TPI1: variants seen among roughly 807,000 people sequenced by gnomAD.
The protein encoded by TPI1 is triosephosphate isomerase 1, also known as triosephosphate isomerase.
Under a neutral mutation model 31.0 loss-of-function variants are expected in TPI1, and 11 were observed. That is an observed-to-expected ratio of 0.36 (90% CI 0.22 to 0.59). The LOEUF (loss-of-function observed/expected upper bound fraction) is 0.59, where lower values mean the gene tolerates loss of function less well. TPI1 is among the 20% of genes least tolerant of loss of function. The pLI, the probability that TPI1 is intolerant of heterozygous loss-of-function variation, is 0.79. For missense variants in TPI1, 245 were observed against 319.7 expected (o/e 0.77, Z 1.78); for synonymous variants, 121 against 122.8 (o/e 0.99, Z 0.10).
At chr12:6,867,756 A>T (rs1189521883) in intron 1 of TPI1, 75 bp downstream of exon 1, 6 of 1,341,398 alleles carry the variant, frequency 4.5e-6, no homozygotes, top group Non-Finnish European at 6.0e-6. Flanking sequence ...CCCTCTCCCG[A>T]GGCCCCGAGG....
chr12:6,867,670 C>G lies in TPI1; in HGVS notation c.104C>G (p.Pro35Arg), dbSNP rs1944486941. 1.9e-6 allele frequency: 3 copies of G among 1,609,288 alleles called. No individual in the cohort carries two copies. The highest frequency in any genetic ancestry group is 2.5e-6 in the Non-Finnish European group (3 of 1,178,314). Residue 35 changes from proline (P) to arginine (R), a missense_variant, in exon 1 of 7, where the codon CCG becomes CGG. Coordinates refer to ENST00000396705, the MANE Select transcript of TPI1 (RefSeq NM_000365.6). ...LIGTLNAAKV[P>R]ADTEVVCAPP... The stretch of plus-strand genomic sequence containing the variant: ...GGCACTCTGAACGCGGCCAAGGTGC[C>G]GGCCGACACCGGTAAGCCCTCGCCG...
upstream of TPI1, chr12:6,867,451 G>A: frequency 6.6e-7 from 1 of 1,506,108 alleles, no homozygotes. Flanking sequence ...GGGACTGGGC[G>A]GGCCATGGCG....
intron 4 of TPI1, 76 bp from the exon 5 acceptor site, chr12:6,869,612 C>A: frequency 6.4e-7 from 1 of 1,568,770 alleles, no homozygotes. Context: ...GGCCACCGTT[C>A]TTCGTACTCC....
intron 1 of TPI1, 122 bp downstream of exon 1, chr12:6,867,803 C>T: frequency 1.8e-6 from 2 of 1,110,072 alleles, no homozygotes; most frequent in Non-Finnish European, 2.5e-6. Context: ...TGATGCAGGG[C>T]TGTGGGACGA....
At chr12:6,869,204 A>G in intron 3 of TPI1, 21 bp downstream of exon 3, 1 of 1,614,132 alleles carries the variant, frequency 6.2e-7, no homozygotes, top group Non-Finnish European at 8.5e-7. Flanking sequence ...AAGAGAGAAG[A>G]TAAGGGATGT....
chr12:6,868,469 C>T (rs1555131933), intron 1 of TPI1: 2 of 1,286,578 alleles, frequency 1.6e-6, no homozygotes, highest in Admixed American at 4.6e-5. Flanking sequence ...AGGAGTTGGC[C>T]CCTCTCCTTT....
chr12:6,869,449 G>C, intron 4 of TPI1, 59 bp downstream of exon 4: 3 of 1,611,764 alleles, frequency 1.9e-6, no homozygotes, highest in South Asian at 2.2e-5. Flanking sequence ...TCAGAGGGTA[G>C]GGTCAGGCCC....
At chr12:6,870,232 C>G (rs1555132562) in intron 6 of TPI1, 33 bp from the exon 7 acceptor site, 1 of 1,609,124 alleles carries the variant, frequency 6.2e-7, no homozygotes, top group African/African-American at 1.3e-5. Context: ...TCATCCCATT[C>G]TTGACCAAGC....
rs1944523061 is a variant in TPI1, at chr12:6,869,085, A to G, written c.240-14A>G. 1.2e-6 allele frequency: 2 copies of G among 1,614,078 alleles called. No individual in the cohort carries two copies. Among genetic ancestry groups the G allele is most frequent in the African/African-American group, 2.7e-5 (2 of 74,928 alleles). The stretch of plus-strand genomic sequence containing the variant: ...GGGCTCCCTGCTGAACCTTGGCTTC[A>G]TCTCTTCCTTTAGCCCTGGCATGAT... On this transcript the variant is annotated splice_polypyrimidine_tract_variant and intron_variant, in intron 2 of 6. Transcript: ENST00000396705.
rs1291024363 is a variant in TPI1, at chr12:6,870,387, C to T, written c.*4C>T. 6.9e-6 allele frequency: 11 copies of T among 1,603,674 alleles called. No homozygotes were observed. The highest frequency in any genetic ancestry group is 9.4e-6 in the Non-Finnish European group (11 of 1,171,226). On this transcript the variant is annotated 3_prime_UTR_variant, in exon 7 of 7. Transcript: ENST00000396705. ...CATCATCAATGCCAAACAATGAGCC[C>T]CATCCATCTTCCCTACCCTTCCTGC...
In TPI1 at chr12:6,867,555, G is replaced by A. The variant is rs782211020; in HGVS notation, c.-12G>A. On this transcript the variant is annotated 5_prime_UTR_variant, in exon 1 of 7. Transcript: ENST00000396705. ...CGCAGACACTGACCTTCAGCGCCTC[G>A]GCTCCAGCGCCATGGCGCCCTCCAG... is the stretch of plus-strand genomic sequence containing the variant. The A allele has an allele frequency of 8.1e-6, 13 of 1,611,378 alleles. No individual in the cohort carries two copies. Among genetic ancestry groups the A allele is most frequent in the East Asian group, 6.7e-5 (3 of 44,806 alleles).
Position 6,870,037 on chromosome 12 carries a change from T to C in TPI1, c.544-12T>C. On this transcript the variant is annotated splice_polypyrimidine_tract_variant and intron_variant, in intron 5 of 6. Transcript: ENST00000396705. The stretch of plus-strand genomic sequence containing the variant: ...CAGAAAAGGTCTTACTTAGGCCAGC[T>C]TCTTGTTCTAGGCCCAGGAAGTACA... The C allele has an allele frequency of 1.1e-5, 17 of 1,612,626 alleles. No individual in the cohort carries two copies. The highest frequency in any genetic ancestry group is 1.4e-5 in the Non-Finnish European group (17 of 1,178,518).
At position 6,869,130 on chromosome 12, in the gene TPI1, T is replaced by C; in HGVS notation, c.271T>C (p.Trp91Arg). 3.1e-6 allele frequency: 5 copies of C among 1,614,166 alleles called. No individual in the cohort carries two copies. Among genetic ancestry groups the C allele is most frequent in the Non-Finnish European group, 4.2e-6 (5 of 1,180,030 alleles). ...CATGATCAAAGACTGCGGAGCCACG[T>C]GGGTGGTCCTGGGGCACTCAGAGAG... ...PGMIKDCGAT[W>R]VVLGHSERRH... The change falls in exon 3 of 7, where the codon TGG becomes CGG. Residue 91 changes from tryptophan to arginine, a missense_variant. Trp to Arg is a moderately radical substitution (Grantham distance 101, BLOSUM62 -3). Around this residue, in one of 3 missense-constraint regions of TPI1, gnomAD observed 23 missense variants for 59.6 expected, o/e 0.39. Transcript: ENST00000396705.
chr12:6,868,778 G>C (rs946811548), intron 1 of TPI1, 86 bp from the exon 2 acceptor site: 4 of 1,537,754 alleles, frequency 2.6e-6, no homozygotes, highest in Non-Finnish European at 3.5e-6. Context: ...GGTGAGGGCT[G>C]GGGGGCTCCA....
In TPI1 at chr12:6,870,918, A is replaced by G. The variant is rs1944575797; in HGVS notation, c.*535A>G. 1 of 645,802 alleles carries G rather than the reference A, an allele frequency of 1.5e-6. No homozygotes were observed. The highest frequency in any genetic ancestry group is 1.8e-5 in the African/African-American group (1 of 55,064). 40.0% of individuals were successfully genotyped at this position (645,802 alleles called of 1,614,324 possible). A position where few individuals can be genotyped will look rare whatever the true frequency, so the allele number is the denominator to read the frequency against. ...AAATGATCATTTGTGCAAGAAAAAA[A>G]AAAAAACAAGAACAGGTTTCTATAA... is the stretch of plus-strand genomic sequence containing the variant. On this transcript the variant is annotated 3_prime_UTR_variant, in exon 7 of 7. Transcript: ENST00000396705.
chr12:6,869,522 CTT>C (rs1944536784), intron 4 of TPI1, 132 bp downstream of exon 4: 6 of 1,524,600 alleles, frequency 3.9e-6, no homozygotes, highest in Middle Eastern at 2.1e-4. Context: ...GAGTGACAAT[CTT>C]TGCTTGGGGC....
intron 1 of TPI1, 53 bp downstream of exon 1, chr12:6,867,734 G>T: frequency 6.6e-7 from 1 of 1,516,430 alleles, no homozygotes; most frequent in Admixed American, 2.2e-5. Context: ...GGCCGGGGCA[G>T]GAGTGGCAGC....
At position 6,869,007 on chromosome 12, in the gene TPI1, G is replaced by C; in HGVS notation, c.239+20G>C. On this transcript the variant is annotated intron_variant, in intron 2 of 6. Transcript: ENST00000396705. Reference sequence around the variant, plus strand: ...GATCAGGTGAGATCGAGGTGGAGAGGGGTGTGTGGGACCCTTCCCTCACTT... The same window carrying C: ...GATCAGGTGAGATCGAGGTGGAGAGCGGTGTGTGGGACCCTTCCCTCACTT... The C allele has an allele frequency of 1.2e-6, 2 of 1,614,094 alleles. No individual in the cohort carries two copies. The highest frequency in any genetic ancestry group is 1.7e-6 in the Non-Finnish European group (2 of 1,180,024).
In TPI1 at chr12:6,869,672, T is replaced by C; in HGVS notation, c.458-16T>C. ...TCTTGTTCACCCTTCCCTCCATCTG[T>C]ATCTCTGCCCTGCAGATAACGTGAA... On this transcript the variant is annotated splice_polypyrimidine_tract_variant and intron_variant, in intron 4 of 6. Transcript: ENST00000396705. 1 of 1,614,054 alleles carries C rather than the reference T, an allele frequency of 6.2e-7. No individual in the cohort carries two copies. The highest frequency in any genetic ancestry group is 8.5e-7 in the Non-Finnish European group (1 of 1,179,882).
Sources: allele counts gnomAD v4.1 joint callset, GRCh38; gene constraint gnomAD v4.1.1; regional missense constraint gnomAD v4.1.1; transcripts MANE v1.5; gene names NCBI Gene and HGNC (gene_info 2026-07-23, HGNC 2026-07-21).